Variants in SCN3A observed in about 807,000 individuals in gnomAD.
The protein encoded by SCN3A is sodium voltage-gated channel alpha subunit 3.
SCN3A carries 60 observed loss-of-function variants against 187.6 expected under a neutral mutation model. The observed-to-expected ratio is 0.32, with a 90% CI of 0.26 to 0.40. The LOEUF is 0.40. Ranked by LOEUF, SCN3A falls within the 10% of genes least tolerant of loss-of-function variation. SCN3A has a pLI of 1.00. For missense variants in SCN3A, 1,601 were observed against 2,428.2 expected (o/e 0.66, Z 7.16); for synonymous variants, 788 against 829.2 (o/e 0.95, Z 0.85).
At chr2:165,199,997 T>A (rs1186335059) in intron 1 of SCN3A, among the ~76,000 whole-genome samples, 7 of 152,102 alleles carry the variant, frequency 4.6e-5, no homozygotes, top group Non-Finnish European at 7.4e-5. Flanking sequence ...TATGATTTTC[T>A]TTCTTCCAAA....
At chr2:165,186,128 G>A (rs1006135433) in intron 2 of SCN3A, among the ~76,000 whole-genome samples, 3 of 151,976 alleles carry the variant, frequency 2.0e-5, no homozygotes, top group Non-Finnish European at 4.4e-5. Flanking sequence ...AAAACTAGCC[G>A]GGCTTGTGGC....
intron 1 of SCN3A, among the ~76,000 whole-genome samples, chr2:165,203,471 C>T (rs1692444656): frequency 6.6e-6 from 1 of 151,942 alleles, no homozygotes; most frequent in Non-Finnish European, 1.5e-5. Flanking sequence ...AAATACTGGA[C>T]ACACTGGGCA....
chr2:165,200,293 T>G (rs1393227917), intron 1 of SCN3A, among the ~76,000 whole-genome samples: 1 of 152,084 alleles, frequency 6.6e-6, no homozygotes. Context: ...GAATGAATAA[T>G]ATATTTTTAG....
intron 9 of SCN3A, 103 bp from the exon 10 acceptor site, chr2:165,156,006 C>G: frequency 7.2e-7 from 1 of 1,385,362 alleles, no homozygotes; most frequent in Non-Finnish European, 1.0e-6. Context: ...CTATCTGTGA[C>G]GAATTATCTT....
In SCN3A at chr2:165,127,858, C is replaced by G; in HGVS notation, c.3166G>C (p.Glu1056Gln). The G allele has an allele frequency of 6.2e-7, 1 of 1,614,140 alleles. No homozygotes were observed. The highest frequency in any genetic ancestry group is 8.5e-7 in the Non-Finnish European group (1 of 1,180,008). The change falls in exon 18 of 28, where the codon GAA becomes CAA. Residue 1056 changes from glutamate (E) to glutamine (Q), a missense_variant. Coordinates refer to ENST00000283254, the MANE Select transcript of SCN3A (RefSeq NM_006922.4). ...DSCMSNNTGIEISKELNYLRD... is the reference protein window; with the variant it reads ...DSCMSNNTGIQISKELNYLRD... ...AGATAATTAAGCTCTTTGCTTATTT[C>G]AATTCCAGTATTATTGGACATGCAG...
chr2:165,113,927 T>G lies in SCN3A; in HGVS notation c.3558A>C (p.Glu1186Asp). The change falls in exon 20 of 28, where the codon GAA becomes GAC. Residue 1186 changes from glutamate (E) to aspartate (D), a missense_variant. Glu to Asp is a conservative substitution (Grantham distance 45). Transcript: ENST00000283254. ...GATTCCACCAGATCTTCCCTTTGCCTTCTTCTGTACTTACTTGACAGAATG... is the reference window on the plus strand; with the variant it reads ...GATTCCACCAGATCTTCCCTTTGCCGTCTTCTGTACTTACTTGACAGAATG... ...KFPFCQVSTE[E>D]GKGKIWWNLR... The G allele has an allele frequency of 1.9e-6, 3 of 1,612,510 alleles. No homozygotes were observed. The highest frequency in any genetic ancestry group is 2.5e-6 in the Non-Finnish European group (3 of 1,178,676).
intron 1 of SCN3A, chr2:165,195,557 A>G (rs150623328): frequency 6.6e-6 from 1 of 152,290 alleles, no homozygotes; most frequent in East Asian, 1.9e-4. Context: ...AATTGAGAGA[A>G]TAAATAGAAA....
At chr2:165,164,251 T>C in intron 6 of SCN3A, 141 bp downstream of exon 6, 2 of 1,031,998 alleles carry the variant, frequency 1.9e-6, no homozygotes, top group Non-Finnish European at 2.9e-6. Flanking sequence ...TGTATTCTAA[T>C]ATGTATTCTT....
At position 165,192,463 on chromosome 2, in the gene SCN3A, A is replaced by C. The variant is rs144590559; in HGVS notation, c.-247-5716T>G. Among the ~76,000 whole-genome samples, 231 of 152,268 alleles carry C rather than the reference A, an allele frequency of 1.5e-3. 1 individual carries two copies. The highest frequency in any genetic ancestry group is 5.3e-3 in the African/African-American group (219 of 41,572). On this transcript the variant is annotated intron_variant, in intron 1 of 27. Transcript: ENST00000283254. ...TTGTTGTTTGTATTTTTTAGATAAG[A>C]AAACTATAATGTTCAGAGGGGACAA...
At chr2:165,113,099 T>G (rs951629842) in intron 20 of SCN3A, 41 bp from the exon 21 acceptor site, 1 of 1,510,526 alleles carries the variant, frequency 6.6e-7, no homozygotes. Flanking sequence ...AATGGCTTGC[T>G]TCTTCTAAAT....
At chr2:165,203,440 C>T (rs1406582179) in intron 1 of SCN3A, among the ~76,000 whole-genome samples, 1 of 151,942 alleles carries the variant, frequency 6.6e-6, no homozygotes, top group Admixed American at 6.6e-5. Context: ...GTTCCAATTT[C>T]ACTATACATT....
Position 165,130,300 on chromosome 2 carries a change from T to A in SCN3A, c.2566-4A>T. ...TTGCCAACTTGAAAACTCTAAGCTGTAATCAAGTGAAAAGATGCTGTTAGT... is the reference window on the plus strand; with the variant it reads ...TTGCCAACTTGAAAACTCTAAGCTGAAATCAAGTGAAAAGATGCTGTTAGT... On this transcript the variant is annotated splice_polypyrimidine_tract_variant and splice_region_variant and intron_variant, in intron 16 of 27. Transcript: ENST00000283254. The A allele has an allele frequency of 1.2e-6, 2 of 1,613,544 alleles. No individual in the cohort carries two copies. The highest frequency in any genetic ancestry group is 1.7e-6 in the Non-Finnish European group (2 of 1,179,476).
At chr2:165,173,329 A>G (rs1454614285) in intron 3 of SCN3A, among the ~76,000 whole-genome samples, 1 of 152,120 alleles carries the variant, frequency 6.6e-6, no homozygotes, top group East Asian at 1.9e-4. Context: ...GAATGCCTGG[A>G]CTCAGATCCT....
At chr2:165,102,562 G>T (rs1198037547) in intron 21 of SCN3A, among the ~76,000 whole-genome samples, 1 of 152,078 alleles carries the variant, frequency 6.6e-6, no homozygotes, top group Non-Finnish European at 1.5e-5. Context: ...CAGAACAGTG[G>T]GTTCAGGAAA....
At chr2:165,107,997 C>T (rs762593677) in intron 21 of SCN3A, among the ~76,000 whole-genome samples, 36 of 152,162 alleles carry the variant, frequency 2.4e-4, no homozygotes, top group Non-Finnish European at 4.1e-4. Flanking sequence ...AACTTAACCT[C>T]TCTTTGTCTT....
At chr2:165,180,000 A>C (rs1690737320) in intron 2 of SCN3A, among the ~76,000 whole-genome samples, 5 of 152,066 alleles carry the variant, frequency 3.3e-5, no homozygotes, top group Admixed American at 3.3e-4. Flanking sequence ...AATACATAAA[A>C]TTTAATATAT....
intron 16 of SCN3A, among the ~76,000 whole-genome samples, chr2:165,130,673 A>AT (rs987081015): frequency 7.2e-5 from 11 of 152,234 alleles, no homozygotes; most frequent in African/African-American, 2.4e-4. Flanking sequence ...TAAATCATAG[A>AT]TTTTTATAGG....
At chr2:165,181,741 G>T (rs1690888601) in intron 2 of SCN3A, among the ~76,000 whole-genome samples, 1 of 152,082 alleles carries the variant, frequency 6.6e-6, no homozygotes. Flanking sequence ...TGAAAGTGGT[G>T]TTCCATGAAA....
At chr2:165,185,249 A>C (rs1030698739) in intron 2 of SCN3A, among the ~76,000 whole-genome samples, 3 of 152,216 alleles carry the variant, frequency 2.0e-5, no homozygotes, top group Non-Finnish European at 4.4e-5. Context: ...AGGACAAATC[A>C]GCATCACTGG....
Sources: allele counts gnomAD v4.1 joint callset (sites outside exome capture counted in the v4.1 genomes callset), GRCh38; gene constraint gnomAD v4.1.1; transcripts MANE v1.5; gene names NCBI Gene and HGNC (gene_info 2026-07-23, HGNC 2026-07-21).